The following P2RX3 variants were observed in gnomAD, a reference collection of about 807,000 sequenced individuals.
P2RX3 encodes the protein P2X purinoceptor 3.
A neutral mutation model predicts 51.5 loss-of-function variants in P2RX3; 41 were observed. The ratio of observed to expected loss-of-function variants is 0.80; its 90% CI spans 0.62 to 1.03. P2RX3 has a LOEUF of 1.03. Ranked by LOEUF, P2RX3 falls within the 50% of genes least tolerant of loss-of-function variation. The pLI is 0.00. For missense variants in P2RX3, 459 were observed against 522.1 expected (o/e 0.88, Z 1.18); for synonymous variants, 185 against 191.6 (o/e 0.97, Z 0.29).
intron 11 of P2RX3, 76 bp downstream of exon 11, chr11:57,369,514 T>A (rs1856848721): frequency 7.1e-7 from 1 of 1,402,858 alleles, no homozygotes; most frequent in South Asian, 1.3e-5. Context: ...TCTCAGTGGC[T>A]CCCCTTCTGA....
intron 8 of P2RX3, among the ~76,000 whole-genome samples, chr11:57,367,514 A>T (rs186294167): frequency 0.019 from 2,818 of 152,290 alleles, 37 homozygotes; most frequent in Middle Eastern, 0.034. Context: ...TGAGGTCAGG[A>T]GTTCGAGACC....
At chr11:57,369,083 C>T (rs1856840931) in intron 10 of P2RX3, among the ~76,000 whole-genome samples, 1 of 152,192 alleles carries the variant, frequency 6.6e-6, no homozygotes, top group South Asian at 2.1e-4. Flanking sequence ...CATCCATGAA[C>T]GGATTAATCC....
chr11:57,337,726 C>T (rs968805511), upstream of P2RX3, among the ~76,000 whole-genome samples: 1 of 152,088 alleles, frequency 6.6e-6, no homozygotes, highest in Non-Finnish European at 1.5e-5. Flanking sequence ...ATGTAAATGA[C>T]GGGTATATTT....
At chr11:57,348,145 C>T (rs1407719791) in intron 4 of P2RX3, 25 bp from the exon 5 acceptor site, 2 of 1,540,080 alleles carry the variant, frequency 1.3e-6, no homozygotes, top group Middle Eastern at 3.4e-4. Flanking sequence ...AGGCAGCCAC[C>T]CAGCAGCTGT....
At chr11:57,369,771 G>A (rs1425012363) in intron 11 of P2RX3, 113 bp from the exon 12 acceptor site, 4 of 753,928 alleles carry the variant, frequency 5.3e-6, no homozygotes, top group Non-Finnish European at 9.2e-6. Flanking sequence ...AGATGTCCTG[G>A]CTCCCCTCAT....
chr11:57,362,432 T>C (rs974566104), intron 8 of P2RX3, among the ~76,000 whole-genome samples: 16 of 152,208 alleles, frequency 1.1e-4, no homozygotes, highest in Admixed American at 2.6e-4. Context: ...GCATGGTGTA[T>C]GTAGCTGAGC....
At position 57,368,423 on chromosome 11, in the gene P2RX3, A is replaced by G. The variant is rs745821017; in HGVS notation, c.988A>G (p.Thr330Ala). The G allele has an allele frequency of 3.1e-6, 5 of 1,613,922 alleles. No individual in the cohort carries two copies. The African/African-American group carries it at 6.7e-5, about 22-fold the overall frequency. ...CATCATCAGCTCTGTGGCGGCCTTT[A>G]CTTCTGTGGGAGTGGTGAGTTCAGC... ...PTIISSVAAF[T>A]SVGVGTVLCD... The change falls in exon 10 of 12, where the codon ACT becomes GCT. Residue 330 changes from threonine to alanine, a missense_variant. By Grantham distance (58) the Thr-to-Ala change is moderately conservative. Coordinates refer to ENST00000263314, the MANE Select transcript of P2RX3 (RefSeq NM_002559.5).
At chr11:57,340,736 G>A (rs888706705) in intron 1 of P2RX3, 3 of 152,280 alleles carry the variant, frequency 2.0e-5, no homozygotes, top group African/African-American at 7.2e-5. Context: ...CAGTTATAGA[G>A]AGCCGCTTCT....
intron 8 of P2RX3, among the ~76,000 whole-genome samples, chr11:57,358,279 C>T (rs566447935): frequency 1.6e-4 from 25 of 152,218 alleles, no homozygotes; most frequent in African/African-American, 6.0e-4. Flanking sequence ...GGCAGGGAAA[C>T]CCTTTGTAGA....
intron 11 of P2RX3, among the ~76,000 whole-genome samples, 186 bp from the exon 12 acceptor site, chr11:57,369,698 C>T (rs1484206161): frequency 6.6e-6 from 1 of 152,124 alleles, no homozygotes. Context: ...CTAGGGGAGG[C>T]CATGGGATGA....
At chr11:57,368,302 C>A in intron 9 of P2RX3, 70 bp from the exon 10 acceptor site, 2 of 1,542,832 alleles carry the variant, frequency 1.3e-6, no homozygotes, top group South Asian at 1.1e-5. Context: ...TCTGGCGCCA[C>A]GTGCAGCCTC....
At chr11:57,346,522 C>T in intron 1 of P2RX3, 22 bp from the exon 2 acceptor site, 2 of 1,612,602 alleles carry the variant, frequency 1.2e-6, no homozygotes, top group Non-Finnish European at 1.7e-6. Flanking sequence ...TCTTTCTCTT[C>T]ATTTATGCTC....
intron 8 of P2RX3, among the ~76,000 whole-genome samples, chr11:57,365,449 C>T (rs1856783750): frequency 6.6e-6 from 1 of 152,232 alleles, no homozygotes; most frequent in Admixed American, 6.5e-5. Flanking sequence ...GATCTCCTCT[C>T]AGCGCCTTCC....
At chr11:57,351,962 G>A (rs1856555836) in intron 8 of P2RX3, among the ~76,000 whole-genome samples, 1 of 152,020 alleles carries the variant, frequency 6.6e-6, no homozygotes, top group Non-Finnish European at 1.5e-5. Flanking sequence ...TTTCTGGCAG[G>A]GCCCTGTTTA....
chr11:57,348,743 AC>A (rs1856489644), intron 6 of P2RX3, 39 bp downstream of exon 6: 3 of 1,508,744 alleles, frequency 2.0e-6, no homozygotes, highest in South Asian at 1.1e-5. Context: ...AGATGCAGGC[AC>A]CCCCGGCCCT....
At chr11:57,347,048 C>A in intron 2 of P2RX3, 68 bp from the exon 3 acceptor site, 2 of 1,447,540 alleles carry the variant, frequency 1.4e-6, no homozygotes, top group East Asian at 2.3e-5. Context: ...TGGGGATAAT[C>A]AGTTATAGTC....
At chr11:57,368,247 C>A in intron 9 of P2RX3, 125 bp from the exon 10 acceptor site, 1 of 1,319,734 alleles carries the variant, frequency 7.6e-7, no homozygotes, top group Non-Finnish European at 1.1e-6. Flanking sequence ...CATCAATTCA[C>A]CTGTCCCGTG....
At chr11:57,343,644 T>G (rs1476060157) in intron 1 of P2RX3, among the ~76,000 whole-genome samples, 1 of 152,196 alleles carries the variant, frequency 6.6e-6, no homozygotes, top group Admixed American at 6.5e-5. Flanking sequence ...AATACTAGTC[T>G]GAACTCTGCA....
intron 7 of P2RX3, 65 bp from the exon 8 acceptor site, chr11:57,350,697 C>A (rs1180000920): frequency 2.5e-6 from 4 of 1,590,978 alleles, no homozygotes; most frequent in South Asian, 2.2e-5. Context: ...ACCCCACCCC[C>A]ACCCTGGCCC....
Sources: allele counts gnomAD v4.1 joint callset (sites outside exome capture counted in the v4.1 genomes callset), GRCh38; gene constraint gnomAD v4.1.1; transcripts MANE v1.5; gene names NCBI Gene and HGNC (gene_info 2026-07-23, HGNC 2026-07-21).